The following ATP8A1 variants were observed in gnomAD, a reference collection of about 807,000 sequenced individuals.
ATP8A1 encodes the protein ATPase phospholipid transporting 8A1.
ATP8A1 carries 90 observed loss-of-function variants against 177.7 expected under a neutral mutation model. That is an observed-to-expected ratio of 0.51 (90% CI 0.43 to 0.60). ATP8A1 has a LOEUF of 0.60. Ranked by LOEUF, ATP8A1 falls within the 20% of genes least tolerant of loss-of-function variation. The probability of loss-of-function intolerance (pLI) is 0.00; values close to 1 mark genes in which losing one functional copy is unlikely to be tolerated. For missense variants in ATP8A1, 1,072 were observed against 1,392.8 expected (o/e 0.77, Z 3.67); for synonymous variants, 493 against 485.9 (o/e 1.01, Z -0.19).
At chr4:42,579,732 G>T (rs1015358870) in intron 11 of ATP8A1, 81 bp downstream of exon 11, 2 of 1,261,906 alleles carry the variant, frequency 1.6e-6, no homozygotes, top group African/African-American at 1.5e-5. Flanking sequence ...GAAACAATAC[G>T]AAATAAAGTA....
intron 4 of ATP8A1, among the ~76,000 whole-genome samples, chr4:42,617,409 G>A (rs1737030261): frequency 6.6e-6 from 1 of 152,132 alleles, no homozygotes; most frequent in Non-Finnish European, 1.5e-5. Flanking sequence ...ACTTTCAATA[G>A]GCATATTATT....
intron 22 of ATP8A1, among the ~76,000 whole-genome samples, chr4:42,509,838 C>A (rs928603946): frequency 2.6e-5 from 3 of 113,558 alleles, no homozygotes; most frequent in African/African-American, 3.6e-5. Flanking sequence ...GGCAACAGAG[C>A]GAGACAGTCT....
At chr4:42,465,802 G>A (rs1309399045) in intron 25 of ATP8A1, among the ~76,000 whole-genome samples, 1 of 152,170 alleles carries the variant, frequency 6.6e-6, no homozygotes, top group Non-Finnish European at 1.5e-5. Context: ...GGAGGCCAAG[G>A]CAGGTGGATC....
chr4:42,478,748 T>C (rs1721351994), intron 25 of ATP8A1, among the ~76,000 whole-genome samples: 1 of 152,212 alleles, frequency 6.6e-6, no homozygotes, highest in Non-Finnish European at 1.5e-5. Context: ...TTTATGGCCC[T>C]GGGTTCTTCC....
chr4:42,612,186 C>T (rs2109437183), intron 5 of ATP8A1, among the ~76,000 whole-genome samples: 1 of 152,222 alleles, frequency 6.6e-6, no homozygotes, highest in South Asian at 2.1e-4. Context: ...GAAGATACTG[C>T]TTTTCATCTT....
chr4:42,536,084 C>T (rs1727799418), intron 20 of ATP8A1, among the ~76,000 whole-genome samples: 1 of 152,014 alleles, frequency 6.6e-6, no homozygotes, highest in Non-Finnish European at 1.5e-5. Flanking sequence ...AACCCCAAAC[C>T]CAGCAGAATA....
intron 1 of ATP8A1, among the ~76,000 whole-genome samples, chr4:42,637,818 C>A (rs10011170): frequency 3.9e-5 from 6 of 152,296 alleles, no homozygotes; most frequent in African/African-American, 1.4e-4. Flanking sequence ...CCCCTTCAGC[C>A]TTGTTGGATG....
At chr4:42,656,302 G>A (rs145882408) in intron 1 of ATP8A1, among the ~76,000 whole-genome samples, 174 of 152,322 alleles carry the variant, frequency 1.1e-3, no homozygotes, top group African/African-American at 3.4e-3. Flanking sequence ...CGCTGCAGGA[G>A]GCAGAATTGC....
intron 33 of ATP8A1, among the ~76,000 whole-genome samples, chr4:42,432,405 G>A (rs112636463): frequency 0.026 from 4,008 of 152,172 alleles, 75 homozygotes; most frequent in Middle Eastern, 0.085. Flanking sequence ...ACTTCACATC[G>A]ACTATCAAAA....
At chr4:42,421,258 C>T (rs573725988) in intron 35 of ATP8A1, among the ~76,000 whole-genome samples, 2 of 152,274 alleles carry the variant, frequency 1.3e-5, no homozygotes, top group African/African-American at 2.4e-5. Context: ...CCATCCTGTA[C>T]ACTGGGATGC....
At chr4:42,537,908 T>C (rs1728008742) in intron 20 of ATP8A1, among the ~76,000 whole-genome samples, 1 of 151,994 alleles carries the variant, frequency 6.6e-6, no homozygotes, top group Admixed American at 6.6e-5. Context: ...GAAAAAATAA[T>C]CCTAAATTTT....
intron 21 of ATP8A1, among the ~76,000 whole-genome samples, chr4:42,523,239 G>C (rs569563392): frequency 1.3e-5 from 2 of 152,274 alleles, no homozygotes; most frequent in South Asian, 4.2e-4. Context: ...AGCCAGAAAA[G>C]AGTAGATGCA....
intron 15 of ATP8A1, among the ~76,000 whole-genome samples, chr4:42,560,963 TTTAAC>T (rs1445528930): frequency 1.3e-5 from 2 of 152,196 alleles, no homozygotes; most frequent in African/African-American, 4.8e-5. Flanking sequence ...CATATGTAGC[TTTAAC>T]TTGTTTTAAA....
At chr4:42,445,538 G>A (rs1316992635) in intron 31 of ATP8A1, among the ~76,000 whole-genome samples, 3 of 152,256 alleles carry the variant, frequency 2.0e-5, no homozygotes, top group Admixed American at 1.3e-4. Context: ...TTTGATAGTT[G>A]TGGTGATGGA....
intron 30 of ATP8A1, among the ~76,000 whole-genome samples, chr4:42,446,899 A>G (rs187394083): frequency 1.3e-3 from 200 of 152,278 alleles, no homozygotes; most frequent in African/African-American, 4.8e-3. Context: ...CAAGATTAAA[A>G]AAAAAAAATC....
At chr4:42,487,310 A>C (rs923089228) in intron 24 of ATP8A1, among the ~76,000 whole-genome samples, 2 of 152,170 alleles carry the variant, frequency 1.3e-5, no homozygotes, top group African/African-American at 4.8e-5. Flanking sequence ...CCAGCTCTTC[A>C]AAGGGATAAA....
At chr4:42,447,390 C>T (rs2153176071) in intron 30 of ATP8A1, among the ~76,000 whole-genome samples, 1 of 152,146 alleles carries the variant, frequency 6.6e-6, no homozygotes, top group Admixed American at 6.5e-5. Flanking sequence ...ACCATGTTGA[C>T]CAGGCTGGTC....
rs1481905095 is a variant in ATP8A1, at chr4:42,657,089, G to C, written c.-216C>G. On this transcript the variant is annotated 5_prime_UTR_variant, in exon 1 of 37. Coordinates refer to ENST00000381668, the MANE Select transcript of ATP8A1 (RefSeq NM_006095.2). Reference sequence around the variant, plus strand: ...GGCGGCGAAGGTGGCGGCGCCCGCAGAGCTGGGCGAGCTCTTGCTGCAGCC... The same window carrying C: ...GGCGGCGAAGGTGGCGGCGCCCGCACAGCTGGGCGAGCTCTTGCTGCAGCC... 2 of 402,962 alleles carry C rather than the reference G, an allele frequency of 5.0e-6. No individual in the cohort carries two copies. The highest frequency in any genetic ancestry group is 8.5e-6 in the Non-Finnish European group (2 of 236,158). The allele number at this position is 402,962 out of a possible 1,614,324, so 25.0% of individuals were successfully genotyped here.
At chr4:42,582,761 C>T (rs1323684003) in intron 9 of ATP8A1, among the ~76,000 whole-genome samples, 1 of 152,082 alleles carries the variant, frequency 6.6e-6, no homozygotes, top group African/African-American at 2.4e-5. Context: ...TCATTTAAGA[C>T]ACATTTTTCA....
Sources: gnomAD v4.1 joint callset for allele counts (sites outside exome capture counted in the v4.1 genomes callset) on GRCh38, gnomAD v4.1.1 for gene constraint, MANE v1.5 for transcripts, NCBI Gene and HGNC (gene_info 2026-07-23, HGNC 2026-07-21) for gene names.